NOM1: variants seen among roughly 807,000 people sequenced by gnomAD.
The protein encoded by NOM1 is nucleolar MIF4G domain-containing protein 1.
In NOM1, 58 loss-of-function variants were observed where a neutral mutation model predicts 73.3. The ratio of observed to expected loss-of-function variants is 0.79; its 90% CI spans 0.64 to 0.99. The LOEUF (loss-of-function observed/expected upper bound fraction) is 0.99, where lower values mean the gene tolerates loss of function less well. Ranked by LOEUF, NOM1 falls within the 50% of genes least tolerant of loss-of-function variation. NOM1 has a pLI of 0.00. For missense variants in NOM1, 1,226 were observed against 1,131.9 expected, an observed-to-expected ratio of 1.08 and a Z score of -1.19; for synonymous variants, 487 against 446.8, an observed-to-expected ratio of 1.09 and a Z score of -1.14.
rs570462433 is a variant in NOM1, at chr7:156,952,147, A to T, written c.988-327A>T. Among the ~76,000 whole-genome samples, 7 of 152,366 alleles carry T rather than the reference A, an allele frequency of 4.6e-5. No individual in the cohort carries two copies. In the East Asian group the frequency reaches 1.3e-3, roughly 29 times the overall value. ...CTGTGCCTGCAGTAAGTTAAGGCCGAGCAAAAGCGCAGTAGATAGGGCTCT... is the reference window on the plus strand; with the variant it reads ...CTGTGCCTGCAGTAAGTTAAGGCCGTGCAAAAGCGCAGTAGATAGGGCTCT... On this transcript the variant is annotated intron_variant, in intron 1 of 10. Coordinates refer to ENST00000275820, the MANE Select transcript of NOM1 (RefSeq NM_138400.2).
In NOM1 at chr7:156,954,103, G is replaced by A. The variant is rs750136765; in HGVS notation, c.1113G>A (p.Arg371=). Residue 371 remains arginine (R), a splice_region_variant and synonymous_variant, in exon 3 of 11, where the codon AGG becomes AGA. Transcript: ENST00000275820. The part of the protein sequence containing the change: ...LKKHVKGLLN[R]LSEPNMASIS... ...TCTCTGTCTTTACAATTCTCTGCAG[G>A]TTGAGTGAACCCAACATGGCTTCCA... 3.1e-6 allele frequency: 5 copies of A among 1,604,588 alleles called. No homozygotes were observed. Among genetic ancestry groups the A allele is most frequent in the African/African-American group, 2.7e-5 (2 of 74,498 alleles).
rs1390308081 is a variant in NOM1, at chr7:156,954,143, G to A, written c.1153G>A (p.Glu385Lys). 1 of 1,612,664 alleles carries A rather than the reference G, an allele frequency of 6.2e-7. No individual in the cohort carries two copies. The highest frequency in any genetic ancestry group is 2.2e-5 in the East Asian group (1 of 44,816). The change falls in exon 3 of 11, where the codon GAG becomes AAG. Residue 385 changes from glutamate to lysine, a missense_variant. Glu to Lys is a moderately conservative substitution (Grantham distance 56). Coordinates refer to ENST00000275820, the MANE Select transcript of NOM1 (RefSeq NM_138400.2). ...CATGGCTTCCATCAGTGGGCAGCTG[G>A]AGGAACTGTACATGGCCCACAGCAG... ...PNMASISGQL[E>K]ELYMAHSRKD...
At chr7:156,965,350 C>T (rs1211899126) in intron 7 of NOM1, among the ~76,000 whole-genome samples, 1 of 152,236 alleles carries the variant, frequency 6.6e-6, no homozygotes, top group Non-Finnish European at 1.5e-5. Flanking sequence ...ACTCCCAAGG[C>T]CCCAAGAGCA....
rs78197270 is a variant in NOM1 at position 156,955,702 on chromosome 7, C to T, written c.1308+1404C>T. Among the ~76,000 whole-genome samples, 791 of 152,308 alleles carry T rather than the reference C, an allele frequency of 5.2e-3. 17 individuals are homozygous for T. The highest frequency in any genetic ancestry group is 0.033 in the East Asian group (170 of 5,182). ...AGTGCAGCAGGCAAAGCCGCTGAAG[C>T]GCTATGTGAAATTCCCAAGATCACG... On this transcript the variant is annotated intron_variant, in intron 3 of 10. Coordinates refer to ENST00000275820, the MANE Select transcript of NOM1 (RefSeq NM_138400.2).
Position 156,950,444 on chromosome 7 carries a change from G to T in NOM1, c.707G>T (p.Gly236Val). ...AATAGCGGCTTGTACGACAGCAGTGGTGAGGAGGAGGAAGATGCCGGACAG... is the reference window on the plus strand; with the variant it reads ...AATAGCGGCTTGTACGACAGCAGTGTTGAGGAGGAGGAAGATGCCGGACAG... ...GKNSGLYDSS[G>V]EEEEDAGQTL... Residue 236 changes from glycine (G) to valine (V), a missense_variant, in exon 1 of 11, where the codon GGT (glycine) becomes GTT (valine). Transcript: ENST00000275820. 6.2e-7 allele frequency: 1 copy of T among 1,614,066 alleles called. No individual in the cohort carries two copies. The highest frequency in any genetic ancestry group is 8.5e-7 in the Non-Finnish European group (1 of 1,179,924).
rs1425711643 is a variant in NOM1, at chr7:156,969,647, GAGAA to G, written c.2530_2533del (p.Lys844LeufsTer14). On this transcript the variant is annotated frameshift_variant, in exon 11 of 11. Coordinates refer to ENST00000275820, the MANE Select transcript of NOM1 (RefSeq NM_138400.2). LOFTEE classifies it low-confidence loss of function (END_TRUNC). ...CGCCGACGAAGCCAACGTGCTGAGA[GAGAA>G]AGCTGACCTTGCAACGAAGTGTCTG... 1 of 1,613,652 alleles carries G rather than the reference GAGAA, an allele frequency of 6.2e-7. No homozygotes were observed. Among genetic ancestry groups the G allele is most frequent in the East Asian group, 2.2e-5 (1 of 44,848 alleles).
At position 156,971,871 on chromosome 7, in the gene NOM1, C is replaced by T. The variant is rs746720886; in HGVS notation, c.*2168C>T. ...TTCGACCCGAAGCCAGATTCAAACC[C>T]TATGTCTTCTAGCAGGTTCTGAATT... On this transcript the variant is annotated 3_prime_UTR_variant, in exon 11 of 11. Transcript: ENST00000275820. The T allele has an allele frequency of 6.6e-6, 1 of 152,230 alleles. No individual in the cohort carries two copies. The highest frequency in any genetic ancestry group is 1.5e-5 in the Non-Finnish European group (1 of 68,044). The allele number at this position is 152,230 out of a possible 1,614,324, so 9.4% of individuals were successfully genotyped here.
At chr7:156,955,165 G>A (rs542328554) in intron 3 of NOM1, among the ~76,000 whole-genome samples, 5 of 152,292 alleles carry the variant, frequency 3.3e-5, no homozygotes, top group African/African-American at 9.6e-5. Context: ...CATCCCTTTC[G>A]TATTCTTCTT....
rs1208408871 is a variant in NOM1, at chr7:156,950,222, C to G, written c.485C>G (p.Pro162Arg). Residue 162 changes from proline (P) to arginine (R), a missense_variant, in exon 1 of 11, where the codon CCC (proline) becomes CGC (arginine). Pro to Arg is a moderately radical substitution (Grantham distance 103). Coordinates refer to ENST00000275820, the MANE Select transcript of NOM1 (RefSeq NM_138400.2). ...KATAATAKTR[P>R]SAAATAAARK... ...ACGGCCGCCACCGCAAAGACCAGAC[C>G]CTCCGCAGCCGCCACCGCCGCTGCC... The G allele has an allele frequency of 1.2e-6, 2 of 1,612,082 alleles. No homozygotes were observed. The highest frequency in any genetic ancestry group is 8.5e-7 in the Non-Finnish European group (1 of 1,179,666).
intron 9 of NOM1, among the ~76,000 whole-genome samples, chr7:156,967,486 C>T (rs1189223808): frequency 1.3e-5 from 2 of 152,142 alleles, no homozygotes; most frequent in Non-Finnish European, 2.9e-5. Flanking sequence ...CTTTCTCCTG[C>T]CCTGCTGTGT....
chr7:156,952,940 G>A (rs1268043595), intron 2 of NOM1, among the ~76,000 whole-genome samples: 1 of 152,150 alleles, frequency 6.6e-6, no homozygotes, highest in East Asian at 1.9e-4. Context: ...ACATTCACCT[G>A]GTCTTCCATC....
At chr7:156,951,839 T>A (rs1240284132) in intron 1 of NOM1, among the ~76,000 whole-genome samples, 1 of 152,016 alleles carries the variant, frequency 6.6e-6, no homozygotes, top group Non-Finnish European at 1.5e-5. Flanking sequence ...CCCAAGTAGC[T>A]GGGACTACAG....
Position 156,963,912 on chromosome 7 carries a change from C to A in NOM1, c.1919C>A (p.Ser640Ter). 2 of 1,613,666 alleles carry A rather than the reference C, an allele frequency of 1.2e-6. No individual in the cohort carries two copies. Among genetic ancestry groups the A allele is most frequent in the South Asian group, 2.2e-5 (2 of 90,994 alleles). The change falls in exon 7 of 11, where the codon TCA becomes TAA. Residue 640 changes from serine to a stop codon, truncating the protein, a stop_gained. Transcript: ENST00000275820. LOFTEE classifies it high-confidence loss of function. ...LQKQLVGTVSSKILELARKQR... is the reference protein window; with the variant it reads ...LQKQLVGTVS The stretch of plus-strand genomic sequence containing the variant: ...CATTCATCGTGCTTCCAGGTCAGTT[C>A]AAAGATCCTAGAACTCGCCCGGAAG...
intron 5 of NOM1, 60 bp downstream of exon 5, chr7:156,962,321 T>C: frequency 7.4e-7 from 1 of 1,344,772 alleles, no homozygotes; most frequent in Non-Finnish European, 1.1e-6. Flanking sequence ...CATGAGCCTG[T>C]CATGAAAATC....
In NOM1 at chr7:156,966,256, G is replaced by C; in HGVS notation, c.2034-14G>C. 6.2e-7 allele frequency: 1 copy of C among 1,613,070 alleles called. No homozygotes were observed. The highest frequency in any genetic ancestry group is 8.5e-7 in the Non-Finnish European group (1 of 1,179,998). ...GTCGAGTGATGTTCCAGTCATTGCTGTTCTGTTTTCTAGGCTTGGACTTAA... is the reference window on the plus strand; with the variant it reads ...GTCGAGTGATGTTCCAGTCATTGCTCTTCTGTTTTCTAGGCTTGGACTTAA... On this transcript the variant is annotated splice_polypyrimidine_tract_variant and intron_variant, in intron 7 of 10. Coordinates refer to ENST00000275820, the MANE Select transcript of NOM1 (RefSeq NM_138400.2).
chr7:156,956,739 T>G (rs551927848), intron 3 of NOM1, among the ~76,000 whole-genome samples: 1 of 152,326 alleles, frequency 6.6e-6, no homozygotes, highest in African/African-American at 2.4e-5. Context: ...GGAACCCTCT[T>G]GTTATTTTTT....
At chr7:156,954,609 T>G (rs1415531783) in intron 3 of NOM1, among the ~76,000 whole-genome samples, 5 of 145,270 alleles carry the variant, frequency 3.4e-5, no homozygotes, top group African/African-American at 5.1e-5. Flanking sequence ...CAGACTCGAG[T>G]GATCCTCCCA....
intron 9 of NOM1, chr7:156,968,778 T>C (rs1166269794): frequency 1.1e-5 from 2 of 174,060 alleles, no homozygotes; most frequent in Non-Finnish European, 2.4e-5. Context: ...AGGTAATTTA[T>C]GGTTCAGTTC....
intron 2 of NOM1, among the ~76,000 whole-genome samples, chr7:156,953,786 A>G (rs535078273): frequency 1.3e-5 from 2 of 152,308 alleles, no homozygotes; most frequent in African/African-American, 2.4e-5. Flanking sequence ...GACCCTGCCT[A>G]TGGGATATCA....
Sources: allele counts gnomAD v4.1 joint callset (sites outside exome capture counted in the v4.1 genomes callset), GRCh38; gene constraint gnomAD v4.1.1; transcripts MANE v1.5; gene names NCBI Gene and HGNC (gene_info 2026-07-23, HGNC 2026-07-21).